YIPF7: variants seen among roughly 807,000 people sequenced by gnomAD.
YIPF7 encodes the protein Yip1 domain family member 7.
YIPF7 carries 35 observed loss-of-function variants against 27.2 expected under a neutral mutation model. The observed-to-expected ratio is 1.29, with a 90% CI of 0.98 to 1.70. The LOEUF (loss-of-function observed/expected upper bound fraction) is 1.70, where lower values mean the gene tolerates loss of function less well. Among genes scored for constraint, YIPF7 ranks in the 40% most tolerant of loss-of-function variants. The pLI, the probability that YIPF7 is intolerant of heterozygous loss-of-function variation, is 0.00. For missense variants in YIPF7, 358 were observed against 303.7 expected, an observed-to-expected ratio of 1.18 and a Z score of -1.33; for synonymous variants, 137 against 110.4, an observed-to-expected ratio of 1.24 and a Z score of -1.51.
chr4:44,642,785 G>A (rs560261905), intron 2 of YIPF7, among the ~76,000 whole-genome samples: 16 of 152,226 alleles, frequency 1.1e-4, no homozygotes, highest in African/African-American at 3.6e-4. Flanking sequence ...GTGAGATGAC[G>A]CTCCTGTGCC....
At chr4:44,658,238 A>T (rs1290982131) in intron 2 of YIPF7, among the ~76,000 whole-genome samples, 1 of 152,110 alleles carries the variant, frequency 6.6e-6, no homozygotes, top group Non-Finnish European at 1.5e-5. Context: ...TAGTAATCTT[A>T]TAAGAAGAGG....
chr4:44,651,279 A>T (rs900304404), intron 1 of YIPF7, among the ~76,000 whole-genome samples: 1 of 152,316 alleles, frequency 6.6e-6, no homozygotes, highest in East Asian at 1.9e-4. Context: ...TAATGTGTAT[A>T]AAAGTAGCTA....
intron 4 of YIPF7, 188 bp downstream of exon 4, chr4:44,629,215 T>G: frequency 3.5e-6 from 2 of 571,760 alleles, no homozygotes; most frequent in African/African-American, 3.9e-5. Flanking sequence ...CTATTTAAAT[T>G]TATACTTTTT....
intron 5 of YIPF7, among the ~76,000 whole-genome samples, 177 bp from the exon 6 acceptor site, chr4:44,622,753 T>A (rs140542614): frequency 1.4e-3 from 212 of 152,354 alleles, no homozygotes; most frequent in African/African-American, 4.9e-3. Context: ...TTTAGTCAAA[T>A]TCATTACAGA....
At chr4:44,635,453 G>GA (rs958803793) in intron 3 of YIPF7, among the ~76,000 whole-genome samples, 8 of 151,702 alleles carry the variant, frequency 5.3e-5, no homozygotes, top group South Asian at 4.2e-4. Flanking sequence ...AGTCAGGAAA[G>GA]AAAAAAAACT....
At chr4:44,659,932 T>C (rs1713996721) in intron 2 of YIPF7, among the ~76,000 whole-genome samples, 2 of 151,286 alleles carry the variant, frequency 1.3e-5, no homozygotes, top group Admixed American at 6.6e-5. Context: ...GCTAACAGGG[T>C]GAAACCCCGT....
intron 3 of YIPF7, among the ~76,000 whole-genome samples, chr4:44,631,695 C>T (rs1010888764): frequency 2.0e-5 from 3 of 151,922 alleles, no homozygotes; most frequent in East Asian, 1.9e-4. Flanking sequence ...TATTAATGAA[C>T]GTATGCTTTG....
chr4:44,649,615 TA>T (rs11479581), intron 2 of YIPF7, among the ~76,000 whole-genome samples: 21,518 of 140,442 alleles, frequency 0.15, 1,667 homozygotes, highest in South Asian at 0.3. Context: ...TACTAAACAT[TA>T]AAAAAAAAAA....
chr4:44,641,425 C>CT (rs1713322571), intron 2 of YIPF7, among the ~76,000 whole-genome samples: 1 of 152,048 alleles, frequency 6.6e-6, no homozygotes, highest in Non-Finnish European at 1.5e-5. Context: ...CATGTTTTTG[C>CT]TTTTTATTTT....
intron 2 of YIPF7, among the ~76,000 whole-genome samples, chr4:44,659,665 T>C (rs1713989220): frequency 6.6e-6 from 1 of 152,066 alleles, no homozygotes; most frequent in East Asian, 1.9e-4. Context: ...CAACCAAAAA[T>C]CTCATATAAA....
chr4:44,661,798 GA>G (rs1262271622), intron 1 of YIPF7, among the ~76,000 whole-genome samples: 6 of 152,112 alleles, frequency 3.9e-5, no homozygotes, highest in Non-Finnish European at 8.8e-5. Flanking sequence ...CCATGTGGAA[GA>G]AAAAAGATTA....
Position 44,643,766 on chromosome 4 carries a change from A to G in YIPF7, c.116+6219T>C, listed in dbSNP as rs140425941. Among the ~76,000 whole-genome samples, 221 of 152,276 alleles carry G rather than the reference A, an allele frequency of 1.5e-3. 4 individuals are homozygous for G. In the East Asian group the frequency reaches 0.023, roughly 16 times the overall value. ...GAGCCCAGTTACAGCTCACTGCTTC[A>G]GAGGATGCAAGCTATAAGTCTTGGT... On this transcript the variant is annotated intron_variant, in intron 2 of 5. Coordinates refer to ENST00000415895, the MANE Select transcript of YIPF7 (RefSeq NM_182592.3).
chr4:44,657,608 ATGAGTATGTAGTGAAAAAAATGATTT>A (rs1713934928), intron 2 of YIPF7, among the ~76,000 whole-genome samples: 1 of 152,176 alleles, frequency 6.6e-6, no homozygotes, highest in African/African-American at 2.4e-5. Flanking sequence ...GATAAGGTCG[ATGAGTATGTAGTGAAAAAAATGATTT>A]TAGACCATTG....
intron 2 of YIPF7, among the ~76,000 whole-genome samples, chr4:44,656,730 A>G (rs908729133): frequency 6.6e-6 from 1 of 151,970 alleles, no homozygotes; most frequent in African/African-American, 2.4e-5. Flanking sequence ...GAATAAAGTT[A>G]TTTTATCAAA....
At chr4:44,660,125 A>AAAAAAAAAAAAAAAAAAAAAAAAAAAAG (rs1560332843) in intron 2 of YIPF7, among the ~76,000 whole-genome samples, 1 of 146,200 alleles carries the variant, frequency 6.8e-6, no homozygotes, top group Non-Finnish European at 1.5e-5. Context: ...AAAAAAAAAA[A>AAAAAAAAAAAAAAAAAAAAAAAAAAAAG]AAAAAAAAAA....
intron 2 of YIPF7, among the ~76,000 whole-genome samples, chr4:44,645,199 T>C (rs959348248): frequency 5.9e-5 from 9 of 152,216 alleles, no homozygotes; most frequent in Admixed American, 4.6e-4. Flanking sequence ...AGGGTTTTTT[T>C]CTAAAAATTT....
At chr4:44,623,473 T>A (rs564618154) in intron 5 of YIPF7, among the ~76,000 whole-genome samples, 3 of 152,214 alleles carry the variant, frequency 2.0e-5, no homozygotes, top group Non-Finnish European at 2.9e-5. Context: ...ACTGCCTTAC[T>A]TGATCTTGGT....
intron 2 of YIPF7, 102 bp from the exon 3 acceptor site, chr4:44,636,187 T>A (rs1000450128): frequency 4.0e-6 from 5 of 1,261,278 alleles, no homozygotes; most frequent in Non-Finnish European, 5.3e-6. Flanking sequence ...GTAGTTTTTA[T>A]GAGTATTTAC....
At chr4:44,643,366 A>G (rs1713404297) in intron 2 of YIPF7, among the ~76,000 whole-genome samples, 2 of 152,202 alleles carry the variant, frequency 1.3e-5, no homozygotes, top group African/African-American at 4.8e-5. Context: ...GGCTGCTTCT[A>G]ACAATCTATG....
Sources: gnomAD v4.1 joint callset for allele counts (sites outside exome capture counted in the v4.1 genomes callset) on GRCh38, gnomAD v4.1.1 for gene constraint, MANE v1.5 for transcripts, NCBI Gene and HGNC (gene_info 2026-07-23, HGNC 2026-07-21) for gene names.